PDE1A: variants seen among roughly 807,000 people sequenced by gnomAD.
PDE1A encodes dual specificity calcium/calmodulin-dependent 3',5'-cyclic nucleotide phosphodiesterase 1A.
A neutral mutation model predicts 61.7 loss-of-function variants in PDE1A; 35 were observed. The ratio of observed to expected loss-of-function variants is 0.57; its 90% CI spans 0.43 to 0.75. The LOEUF is 0.75. Ranked by LOEUF, PDE1A falls within the 30% of genes least tolerant of loss-of-function variation. The pLI is 0.00. For synonymous variants in PDE1A, 232 were observed against 213.2 expected (o/e 1.09, Z -0.77); for missense variants, 597 against 630.6 (o/e 0.95, Z 0.57).
chr2:182,713,741 T>C, the PDE1A span, among the ~76,000 whole-genome samples: 2 of 152,226 alleles, frequency 1.3e-5, no homozygotes, highest in African/African-American at 4.8e-5. Context: ...TGGCTTCTAC[T>C]CAGCTTATGA....
At chr2:182,670,623 C>A in the PDE1A span, among the ~76,000 whole-genome samples, 1 of 152,106 alleles carries the variant, frequency 6.6e-6, no homozygotes, top group Non-Finnish European at 1.5e-5. Context: ...GGTGCCGAAG[C>A]CTCTTTTTAA....
chr2:182,345,059 G>C (rs199560717), intron 1 of PDE1A, among the ~76,000 whole-genome samples: 1 of 152,110 alleles, frequency 6.6e-6, no homozygotes, highest in Non-Finnish European at 1.5e-5. Context: ...GGGCTAAAAT[G>C]GGATGACTAT....
chr2:182,455,831 C>T (rs1195496470), intron 2 of PDE1A, among the ~76,000 whole-genome samples: 1 of 151,628 alleles, frequency 6.6e-6, no homozygotes, highest in Non-Finnish European at 1.5e-5. Context: ...GGGTGCAGCA[C>T]ACCAACATGG....
At chr2:182,522,131 T>C in intron 2 of PDE1A, 1 of 644,254 alleles carries the variant, frequency 1.6e-6, no homozygotes. Context: ...TTTCAACAAG[T>C]TGTTAGCTGA....
chr2:182,546,027 G>T, the PDE1A span, among the ~76,000 whole-genome samples: 1 of 152,160 alleles, frequency 6.6e-6, no homozygotes, highest in African/African-American at 2.4e-5. Flanking sequence ...ATAACCCATT[G>T]CTCCCTTCAT....
chr2:182,518,879 ATTCTTATAGCAATGTCACTAACTGG>A (rs1258801543), intron 2 of PDE1A, among the ~76,000 whole-genome samples: 1 of 152,062 alleles, frequency 6.6e-6, no homozygotes, highest in Non-Finnish European at 1.5e-5. Flanking sequence ...CTTAGATTGA[ATTCTTATAGCAATGTCACTAACTGG>A]AAAGAGCAAC....
chr2:182,668,493 C>T, the PDE1A span, among the ~76,000 whole-genome samples: 1 of 151,940 alleles, frequency 6.6e-6, no homozygotes, highest in Non-Finnish European at 1.5e-5. Flanking sequence ...AAGCCACACA[C>T]ACATGCATAC....
At chr2:182,368,987 G>A (rs574696983) in intron 1 of PDE1A, among the ~76,000 whole-genome samples, 6 of 152,114 alleles carry the variant, frequency 3.9e-5, no homozygotes, top group African/African-American at 4.8e-5. Context: ...TTACTCAACC[G>A]GCCTAGTTGT....
At chr2:182,487,722 T>G (rs1375508501) in intron 2 of PDE1A, among the ~76,000 whole-genome samples, 2 of 152,286 alleles carry the variant, frequency 1.3e-5, no homozygotes, top group South Asian at 2.1e-4. Context: ...AAGGATTGCA[T>G]AACTCTAAAA....
At chr2:182,459,113 G>A (rs1355483557) in intron 2 of PDE1A, among the ~76,000 whole-genome samples, 2 of 151,988 alleles carry the variant, frequency 1.3e-5, no homozygotes, top group Non-Finnish European at 2.9e-5. Context: ...TCATCTCTAA[G>A]ATAAATAATA....
In PDE1A at chr2:182,243,961, G is replaced by A. The variant is rs533536977; in HGVS notation, c.168-3669C>T. On this transcript the variant is annotated intron_variant, in intron 2 of 13. Coordinates refer to ENST00000351439, the Ensembl canonical transcript of PDE1A. The stretch of plus-strand genomic sequence containing the variant: ...CGGCTCACCACAACCTCTGCCTCCC[G>A]GGTTCAAGCGATTCTCCTGCCTCAG... Among the ~76,000 whole-genome samples, 5 of 152,198 alleles carry A rather than the reference G, an allele frequency of 3.3e-5. No individual in the cohort carries two copies. In the East Asian group the frequency reaches 7.7e-4, roughly 24 times the overall value.
chr2:182,341,330 G>A (rs1221729141), intron 1 of PDE1A, among the ~76,000 whole-genome samples: 1 of 152,178 alleles, frequency 6.6e-6, no homozygotes, highest in Non-Finnish European at 1.5e-5. Flanking sequence ...TATTGATGAA[G>A]TCATTTGTAT....
At chr2:182,380,980 C>T (rs545121218) in intron 1 of PDE1A, among the ~76,000 whole-genome samples, 33 of 152,102 alleles carry the variant, frequency 2.2e-4, no homozygotes, top group Admixed American at 3.9e-4. Context: ...CTGTTGACTT[C>T]GTAGTCAAGA....
intron 13 of PDE1A, among the ~76,000 whole-genome samples, chr2:182,157,621 T>C (rs944847980): frequency 2.2e-4 from 33 of 152,132 alleles, no homozygotes; most frequent in Non-Finnish European, 4.7e-4. Flanking sequence ...GTTTTTTTCG[T>C]GGAGACTAAA....
chr2:182,144,456 C>T (rs149400314), downstream of PDE1A, among the ~76,000 whole-genome samples: 5 of 152,184 alleles, frequency 3.3e-5, no homozygotes, highest in African/African-American at 7.2e-5. Context: ...GAAATGATGG[C>T]GAAATTATAC....
chr2:182,145,200 TGTATC>T (rs1690431293), downstream of PDE1A, among the ~76,000 whole-genome samples: 1 of 152,240 alleles, frequency 6.6e-6, no homozygotes, highest in Non-Finnish European at 1.5e-5. Flanking sequence ...ACTGTAGGAC[TGTATC>T]AACTCAGTTG....
chr2:182,638,901 T>A, the PDE1A span, among the ~76,000 whole-genome samples: 1 of 152,042 alleles, frequency 6.6e-6, no homozygotes, highest in African/African-American at 2.4e-5. Flanking sequence ...GTGAGGAAAG[T>A]GTAGCAAAGA....
intron 1 of PDE1A, among the ~76,000 whole-genome samples, chr2:182,425,328 A>C (rs1341072568): frequency 6.6e-6 from 1 of 152,158 alleles, no homozygotes; most frequent in African/African-American, 2.4e-5. Flanking sequence ...TAGATACTAC[A>C]TACAATTGGA....
At chr2:182,489,065 T>C (rs1311081718) in intron 2 of PDE1A, among the ~76,000 whole-genome samples, 1 of 152,162 alleles carries the variant, frequency 6.6e-6, no homozygotes, top group Non-Finnish European at 1.5e-5. Flanking sequence ...TTGGGGGAGC[T>C]ATTTTATAAA....
Sources: allele counts gnomAD v4.1 joint callset (sites outside exome capture counted in the v4.1 genomes callset), GRCh38; gene constraint gnomAD v4.1.1; transcripts MANE v1.5; gene names NCBI Gene and HGNC (gene_info 2026-07-23, HGNC 2026-07-21).